STARD13: variants seen among roughly 807,000 people sequenced by gnomAD.
STARD13 encodes the protein stAR-related lipid transfer protein 13.
Under a neutral mutation model 106.4 loss-of-function variants are expected in STARD13, and 62 were observed. The observed-to-expected ratio is 0.58, with a 90% CI of 0.48 to 0.72. STARD13 has a LOEUF of 0.72. Among genes scored for constraint, STARD13 ranks in the 30% least tolerant of loss-of-function variants. The probability of loss-of-function intolerance (pLI) is 0.00; values close to 1 mark genes in which losing one functional copy is unlikely to be tolerated. For missense variants in STARD13, 1,387 were observed against 1,424.0 expected, an observed-to-expected ratio of 0.97 and a Z score of 0.42; for synonymous variants, 565 against 553.0, an observed-to-expected ratio of 1.02 and a Z score of -0.31.
At chr13:33,364,749 C>T in the STARD13 span, among the ~76,000 whole-genome samples, 10 of 152,088 alleles carry the variant, frequency 6.6e-5, no homozygotes, top group Admixed American at 5.9e-4. Flanking sequence ...ATTAGCCAGG[C>T]GTGGTGGCGG....
At position 33,235,217 on chromosome 13, in the gene STARD13, C is replaced by T. The variant is rs114864333; in HGVS notation, c.169+50253G>A. 7.4e-4 allele frequency among the ~76,000 whole-genome samples: 112 copies of T among 152,342 alleles called. 2 individuals carry two copies. The highest frequency in any genetic ancestry group is 2.4e-3 in the African/African-American group (98 of 41,582). ...CAAGCAACACTGGACATCTGTCAGA[C>T]ACTGAGCAAACTACTAGTCCAAAGT... On this transcript the variant is annotated intron_variant, in intron 1 of 13. Coordinates refer to ENST00000336934, the MANE Select transcript of STARD13 (RefSeq NM_178006.4).
At chr13:33,347,998 G>T (rs1393224486), downstream of STARD13, among the ~76,000 whole-genome samples, 1 of 152,132 alleles carries the variant, frequency 6.6e-6, no homozygotes, top group Non-Finnish European at 1.5e-5. Context: ...GCATCTAAAA[G>T]CGCCTTCACG....
At chr13:33,227,303 A>G (rs1169171345) in intron 1 of STARD13, among the ~76,000 whole-genome samples, 2 of 152,250 alleles carry the variant, frequency 1.3e-5, no homozygotes, top group Non-Finnish European at 2.9e-5. Flanking sequence ...GTCCTCATAG[A>G]TAGCTAAAAT....
At chr13:33,180,722 A>T (rs1885151200) in intron 1 of STARD13, among the ~76,000 whole-genome samples, 1 of 152,192 alleles carries the variant, frequency 6.6e-6, no homozygotes, top group Non-Finnish European at 1.5e-5. Context: ...GGTGACGGGG[A>T]AAGTAATTCA....
chr13:33,438,756 T>C, the STARD13 span, among the ~76,000 whole-genome samples: 1 of 152,172 alleles, frequency 6.6e-6, no homozygotes, highest in Non-Finnish European at 1.5e-5. Context: ...ATCCTAAGCA[T>C]AAGTGAAGCT....
rs1286332773 is a variant in STARD13 at position 33,104,774 on chromosome 13, G to A, written c.*819C>T. 1.3e-5 allele frequency: 2 copies of A among 153,156 alleles called. No individual in the cohort carries two copies. The highest frequency in any genetic ancestry group is 4.9e-5 in the African/African-American group (2 of 41,082). The allele number at this position is 153,156 out of a possible 1,614,324, so 9.5% of individuals were successfully genotyped here. A position where few individuals can be genotyped will look rare whatever the true frequency, so the allele number is the denominator to read the frequency against. On this transcript the variant is annotated 3_prime_UTR_variant, in exon 14 of 14. Transcript: ENST00000336934. ...GATGGGCATGGGAGCGAGAGGTATC[G>A]CTTCTGTTTCAGTCACTCTCGCTGA... is the stretch of plus-strand genomic sequence containing the variant.
At chr13:33,131,407 C>T (rs1164543904) in intron 4 of STARD13, among the ~76,000 whole-genome samples, 2 of 150,518 alleles carry the variant, frequency 1.3e-5, no homozygotes, top group African/African-American at 4.9e-5. Context: ...AATAGCTTTC[C>T]ACAGTGTAGT....
chr13:33,167,648 T>A (rs1456764267), intron 1 of STARD13, 26 bp from the exon 2 acceptor site: 1 of 1,607,864 alleles, frequency 6.2e-7, no homozygotes, highest in African/African-American at 1.3e-5. Flanking sequence ...GAGATAAAAT[T>A]GTGAGTCCCA....
At chr13:33,480,709 TTCTA>T in the STARD13 span, among the ~76,000 whole-genome samples, 1 of 152,160 alleles carries the variant, frequency 6.6e-6, no homozygotes, top group African/African-American at 2.4e-5. Context: ...TGTACATTTC[TTCTA>T]TCTATCTAAT....
At chr13:33,258,544 G>A (rs1162413733) in intron 1 of STARD13, among the ~76,000 whole-genome samples, 2 of 151,966 alleles carry the variant, frequency 1.3e-5, no homozygotes, top group Non-Finnish European at 1.5e-5. Flanking sequence ...TGGAAGGCAC[G>A]CAGATGGATT....
At chr13:33,226,254 T>C (rs888072270) in intron 1 of STARD13, among the ~76,000 whole-genome samples, 1 of 152,214 alleles carries the variant, frequency 6.6e-6, no homozygotes, top group Admixed American at 6.5e-5. Flanking sequence ...AAGCAGTTTC[T>C]TCTTAGAGAC....
chr13:33,187,293 T>G (rs1885861028), intron 1 of STARD13, among the ~76,000 whole-genome samples: 1 of 152,204 alleles, frequency 6.6e-6, no homozygotes, highest in South Asian at 2.1e-4. Flanking sequence ...TGCCCACTTT[T>G]GATTTTTTTG....
chr13:33,398,908 A>G, the STARD13 span, among the ~76,000 whole-genome samples: 4 of 152,320 alleles, frequency 2.6e-5, no homozygotes, highest in Non-Finnish European at 5.9e-5. Context: ...TTTACTCAAG[A>G]GAAATGAAAA....
chr13:33,601,266 A>T, the STARD13 span, among the ~76,000 whole-genome samples: 1 of 151,978 alleles, frequency 6.6e-6, no homozygotes, highest in African/African-American at 2.4e-5. Flanking sequence ...GTTGCTAGGA[A>T]ACCTGGAAGG....
the STARD13 span, among the ~76,000 whole-genome samples, chr13:33,626,231 G>C: frequency 6.6e-6 from 1 of 152,080 alleles, no homozygotes; most frequent in East Asian, 1.9e-4. Context: ...GGGAGGAATG[G>C]GAGATTAGTG....
At chr13:33,196,255 C>T (rs901142341) in intron 1 of STARD13, among the ~76,000 whole-genome samples, 6 of 151,992 alleles carry the variant, frequency 3.9e-5, no homozygotes, top group Admixed American at 6.5e-5. Flanking sequence ...CGTGGTGACA[C>T]GACGCATGCC....
chr13:33,242,840 T>C (rs909921390), intron 1 of STARD13, among the ~76,000 whole-genome samples: 4 of 152,334 alleles, frequency 2.6e-5, no homozygotes, highest in East Asian at 1.9e-4. Context: ...TTACTATGTA[T>C]TGAGTCTGAT....
chr13:33,387,215 T>C, the STARD13 span, among the ~76,000 whole-genome samples: 1 of 152,156 alleles, frequency 6.6e-6, no homozygotes, highest in African/African-American at 2.4e-5. Flanking sequence ...ATATTGCCCA[T>C]GCTGGTCTTG....
At chr13:33,540,622 C>T in the STARD13 span, among the ~76,000 whole-genome samples, 11 of 152,274 alleles carry the variant, frequency 7.2e-5, no homozygotes, top group East Asian at 1.9e-3. Context: ...AAAGCAATAC[C>T]ATGTATAAAG....
Sources: allele counts gnomAD v4.1 joint callset (sites outside exome capture counted in the v4.1 genomes callset), GRCh38; gene constraint gnomAD v4.1.1; transcripts MANE v1.5; gene names NCBI Gene and HGNC (gene_info 2026-07-23, HGNC 2026-07-21).